LEUTX: variants seen among roughly 807,000 people sequenced by gnomAD.
The protein encoded by LEUTX is paired-like homeodomain transcription factor LEUTX.
A neutral mutation model predicts 4.5 loss-of-function variants in LEUTX; 5 were observed. The ratio of observed to expected loss-of-function variants is 1.11; its 90% CI spans 0.58 to 2.34. The LOEUF (loss-of-function observed/expected upper bound fraction) is 2.34. Among genes scored for constraint, LEUTX ranks in the 30% most tolerant of loss-of-function variants. The pLI, the probability that LEUTX is intolerant of heterozygous loss-of-function variation, is 0.01. For missense variants in LEUTX, 233 were observed against 239.4 expected (o/e 0.97, Z 0.18); for synonymous variants, 89 against 85.1 (o/e 1.05, Z -0.25).
chr19:39,784,578 T>C lies in LEUTX; in HGVS notation c.59T>C (p.Leu20Pro), dbSNP rs781608781. The stretch of plus-strand genomic sequence containing the variant: ...CGCACAAGATTTCTCTCCAAACAAC[T>C]CACAGCATTGAGAGAATTGCTTGAA... ...RPRTRFLSKQ[L>P]TALRELLEKT... The change falls in exon 2 of 3, where the codon CTC (leucine) becomes CCC (proline). Residue 20 changes from leucine to proline, a missense_variant. Leu to Pro is a moderately conservative substitution (Grantham distance 98, BLOSUM62 -3). Coordinates refer to ENST00000638280, the MANE Select transcript of LEUTX (RefSeq NM_001382345.1). The C allele has an allele frequency of 3.3e-6, 5 of 1,500,600 alleles. No homozygotes were observed. In the South Asian group the frequency reaches 4.8e-5, roughly 14 times the overall value. 93.0% of individuals were successfully genotyped at this position (1,500,600 alleles called of 1,614,324 possible).
chr19:39,781,050 C>A (rs1033936153), intron 1 of LEUTX, among the ~76,000 whole-genome samples: 11 of 151,976 alleles, frequency 7.2e-5, no homozygotes, highest in Admixed American at 3.3e-4. Flanking sequence ...TGCTTTCCTC[C>A]TCTTCTTTCT....
At position 39,779,468 on chromosome 19, in the gene LEUTX, A is replaced by T. The variant is rs368334314; in HGVS notation, c.7+541A>T. On this transcript the variant is annotated intron_variant, in intron 1 of 2. Coordinates refer to ENST00000638280, the MANE Select transcript of LEUTX (RefSeq NM_001382345.1). ...TTAAAGGCCATTCTGTTTTTCCCCT[A>T]TGCTAATTTTTATATTTATATCATT... 2.0e-5 allele frequency among the ~76,000 whole-genome samples: 3 copies of T among 152,078 alleles called. No homozygotes were observed. The South Asian group carries it at 6.2e-4, about 32-fold the overall frequency.
At chr19:39,780,262 C>T (rs1967866664) in intron 1 of LEUTX, among the ~76,000 whole-genome samples, 1 of 152,192 alleles carries the variant, frequency 6.6e-6, no homozygotes, top group Admixed American at 6.5e-5. Flanking sequence ...CTCAAAGCCA[C>T]ATCCTTCCTC....
At position 39,783,674 on chromosome 19, in the gene LEUTX, T is replaced by A. The variant is rs28833000; in HGVS notation, c.8-853T>A. 3.6e-3 allele frequency among the ~76,000 whole-genome samples: 543 copies of A among 152,164 alleles called. 4 individuals are homozygous for A. Among genetic ancestry groups the A allele is most frequent in the Non-Finnish European group, 6.3e-3 (429 of 68,018 alleles). On this transcript the variant is annotated intron_variant, in intron 1 of 2. Coordinates refer to ENST00000638280, the MANE Select transcript of LEUTX (RefSeq NM_001382345.1). The stretch of plus-strand genomic sequence containing the variant: ...ATCCACGCCAACATCTATTTTTTTT[T>A]ATTTTTTTTATTATGGCCATTCTTG...
At chr19:39,783,194 T>C (rs975045148) in intron 1 of LEUTX, among the ~76,000 whole-genome samples, 10 of 150,356 alleles carry the variant, frequency 6.7e-5, no homozygotes, top group South Asian at 4.2e-4. Flanking sequence ...TCCAGGTTGT[T>C]ACAAATATCA....
chr19:39,786,097 G>A lies in LEUTX; in HGVS notation c.559G>A (p.Val187Ile), dbSNP rs1369477917. Residue 187 changes from valine to isoleucine, a missense_variant, in exon 3 of 3, where the codon GTA (valine) becomes ATA (isoleucine). By Grantham distance (29) the Val-to-Ile change is conservative. Transcript: ENST00000638280. Reference sequence around the variant, plus strand: ...CAGCCTAAATCAATATCTTTTTCCAGTATGCCTTGAGTATGACCAGCTCCA... The same window carrying A: ...CAGCCTAAATCAATATCTTTTTCCAATATGCCTTGAGTATGACCAGCTCCA... The part of the protein sequence containing the change: ...TSSLNQYLFP[V>I]CLEYDQLQSS... 4 of 1,546,660 alleles carry A rather than the reference G, an allele frequency of 2.6e-6. No individual in the cohort carries two copies. The highest frequency in any genetic ancestry group is 1.4e-5 in the African/African-American group (1 of 72,796).
chr19:39,780,172 A>G (rs1329670369), intron 1 of LEUTX, among the ~76,000 whole-genome samples: 2 of 152,198 alleles, frequency 1.3e-5, no homozygotes, highest in Non-Finnish European at 2.9e-5. Flanking sequence ...ACATTTTCCT[A>G]TTGTTTAATA....
chr19:39,783,514 T>C (rs1168701605), intron 1 of LEUTX, among the ~76,000 whole-genome samples: 2 of 151,836 alleles, frequency 1.3e-5, no homozygotes, highest in Non-Finnish European at 2.9e-5. Flanking sequence ...TCTGGGTAGA[T>C]AGCCAGTAGT....
At chr19:39,784,449 G>A in intron 1 of LEUTX, 78 bp from the exon 2 acceptor site, 1 of 657,186 alleles carries the variant, frequency 1.5e-6, no homozygotes, top group Non-Finnish European at 2.8e-6. Flanking sequence ...TGTCCCACAG[G>A]TGTTCCCTTG....
At chr19:39,785,228 C>G (rs1179055764) in intron 2 of LEUTX, among the ~76,000 whole-genome samples, 2 of 152,136 alleles carry the variant, frequency 1.3e-5, no homozygotes, top group Non-Finnish European at 2.9e-5. Flanking sequence ...CGCTTAAGCC[C>G]AGTTTAAGAC....
At position 39,784,131 on chromosome 19, in the gene LEUTX, C is replaced by T. The variant is rs1967928376; in HGVS notation, c.8-396C>T. Among the ~76,000 whole-genome samples, 3 of 151,808 alleles carry T rather than the reference C, an allele frequency of 2.0e-5. No homozygotes were observed. In the East Asian group the frequency reaches 5.8e-4, roughly 29 times the overall value. On this transcript the variant is annotated intron_variant, in intron 1 of 2. Coordinates refer to ENST00000638280, the MANE Select transcript of LEUTX (RefSeq NM_001382345.1). ...GTTTTTATTATTTTTTATTTATGCTCTCTATTTCACTGAAGATTTCTCCCC... is the reference window on the plus strand; with the variant it reads ...GTTTTTATTATTTTTTATTTATGCTTTCTATTTCACTGAAGATTTCTCCCC...
rs1252936164 is a variant in LEUTX, at chr19:39,784,522, T to C, written c.8-5T>C. 2.2e-6 allele frequency: 2 copies of C among 926,946 alleles called. No individual in the cohort carries two copies. The highest frequency in any genetic ancestry group is 1.4e-5 in the South Asian group (1 of 71,628). The allele number at this position is 926,946 out of a possible 1,614,324, so 57.4% of individuals were successfully genotyped here. On this transcript the variant is annotated splice_polypyrimidine_tract_variant and splice_region_variant and intron_variant, in intron 1 of 2. Coordinates refer to ENST00000638280, the MANE Select transcript of LEUTX (RefSeq NM_001382345.1). ...ATGAAAGCCTTTTATCTGTTCCCTC[T>C]GCAGAAGGGCCAAGGCGTTATCGTC... is the stretch of plus-strand genomic sequence containing the variant.
upstream of LEUTX, among the ~76,000 whole-genome samples, chr19:39,778,089 C>T (rs1306079288): frequency 6.6e-6 from 1 of 151,916 alleles, no homozygotes; most frequent in Non-Finnish European, 1.5e-5. Flanking sequence ...TTACACTCAC[C>T]CCACAAATAA....
At position 39,784,643 on chromosome 19, in the gene LEUTX, G is replaced by T; in HGVS notation, c.124G>T (p.Ala42Ser). 6.4e-7 allele frequency: 1 copy of T among 1,551,636 alleles called. No individual in the cohort carries two copies. The highest frequency in any genetic ancestry group is 8.7e-7 in the Non-Finnish European group (1 of 1,146,940). ...AAGTTTGGCTACAATGGGGAAACTGGCTTCAAAGCTACAACTTGATCTATC... is the reference window on the plus strand; with the variant it reads ...AAGTTTGGCTACAATGGGGAAACTGTCTTCAAAGCTACAACTTGATCTATC... The part of the protein sequence containing the change: ...HPSLATMGKL[A>S]SKLQLDLSVV... The change falls in exon 2 of 3, where the codon GCT (alanine) becomes TCT (serine). Residue 42 changes from alanine to serine, a missense_variant. By Grantham distance (99) the Ala-to-Ser change is moderately conservative. Coordinates refer to ENST00000638280, the MANE Select transcript of LEUTX (RefSeq NM_001382345.1).
In LEUTX at chr19:39,781,067, C is replaced by G. The variant is rs558790543; in HGVS notation, c.7+2140C>G. ...CTTTCCTCCTCTTCTTTCTTTTTCT[C>G]TTCCACTTTCCCTTTCTTTTTTCTC... On this transcript the variant is annotated intron_variant, in intron 1 of 2. Transcript: ENST00000638280. Among the ~76,000 whole-genome samples, 257 of 150,128 alleles carry G rather than the reference C, an allele frequency of 1.7e-3. 3 individuals carry two copies. The highest frequency in any genetic ancestry group is 6.4e-3 in the African/African-American group (254 of 39,678).
upstream of LEUTX, among the ~76,000 whole-genome samples, chr19:39,777,617 T>G (rs1190636314): frequency 6.6e-6 from 1 of 152,190 alleles, no homozygotes; most frequent in African/African-American, 2.4e-5. Flanking sequence ...ATTTGGGAGT[T>G]TCTACCCTTG....
At chr19:39,780,269 C>T (rs1967866732) in intron 1 of LEUTX, among the ~76,000 whole-genome samples, 2 of 152,142 alleles carry the variant, frequency 1.3e-5, no homozygotes, top group South Asian at 4.1e-4. Flanking sequence ...CCACATCCTT[C>T]CTCGATTTTA....
chr19:39,784,671 T>A lies in LEUTX; in HGVS notation c.152T>A (p.Val51Glu). 2 of 1,551,440 alleles carry A rather than the reference T, an allele frequency of 1.3e-6. No homozygotes were observed. Among genetic ancestry groups the A allele is most frequent in the Non-Finnish European group, 8.7e-7 (1 of 1,146,760 alleles). ...TCAAAGCTACAACTTGATCTATCCG[T>A]AGTAAAGGTCTGTTCCCAAGTGTGT... ...LASKLQLDLS[V>E]VKIWFKNQRA... The change falls in exon 2 of 3, where the codon GTA (valine) becomes GAA (glutamate). Residue 51 changes from valine (V) to glutamate (E), a missense_variant. Val to Glu is a moderately radical substitution (Grantham distance 121). Coordinates refer to ENST00000638280, the MANE Select transcript of LEUTX (RefSeq NM_001382345.1).
intron 1 of LEUTX, among the ~76,000 whole-genome samples, chr19:39,783,350 T>C (rs200728368): frequency 4.0e-5 from 4 of 101,096 alleles, no homozygotes; most frequent in South Asian, 3.5e-4. Context: ...TATATATATA[T>C]ACATATATAT....
Sources: allele counts gnomAD v4.1 joint callset (sites outside exome capture counted in the v4.1 genomes callset), GRCh38; gene constraint gnomAD v4.1.1; transcripts MANE v1.5; gene names NCBI Gene and HGNC (gene_info 2026-07-23, HGNC 2026-07-21).